ARHGAP15: variants seen among roughly 807,000 people sequenced by gnomAD.
ARHGAP15 encodes the protein Rho GTPase activating protein 15, also known as rho GTPase-activating protein 15.
ARHGAP15 carries 51 observed loss-of-function variants against 63.7 expected under a neutral mutation model. The ratio of observed to expected loss-of-function variants is 0.80; its 90% CI spans 0.64 to 1.01. The LOEUF is 1.01. Among genes scored for constraint, ARHGAP15 ranks in the 50% least tolerant of loss-of-function variants. The pLI, the probability that ARHGAP15 is intolerant of heterozygous loss-of-function variation, is 0.00. For synonymous variants in ARHGAP15, 191 were observed against 193.8 expected (o/e 0.99, Z 0.12); for missense variants, 560 against 564.6 (o/e 0.99, Z 0.08).
chr2:143,471,110 T>C (rs960017928), intron 8 of ARHGAP15, among the ~76,000 whole-genome samples: 11 of 148,448 alleles, frequency 7.4e-5, no homozygotes, highest in African/African-American at 2.8e-4. Flanking sequence ...TGTGTATATA[T>C]ACACACATAT....
At chr2:143,625,601 A>G (rs1448540668) in intron 12 of ARHGAP15, among the ~76,000 whole-genome samples, 2 of 152,144 alleles carry the variant, frequency 1.3e-5, no homozygotes, top group Non-Finnish European at 2.9e-5. Context: ...CAGAACAGCA[A>G]TGTTTCATAG....
intron 12 of ARHGAP15, among the ~76,000 whole-genome samples, chr2:143,656,934 G>GGTGTGTGTGTGTGTGTGTGTGT (rs5834961): frequency 0.015 from 2,105 of 144,942 alleles, 38 homozygotes; most frequent in Middle Eastern, 0.017. Flanking sequence ...CAAAGTTTCT[G>GGTGTGTGTGTGTGTGTGTGTGT]GTGTGTGTGT....
Position 143,202,130 on chromosome 2 carries a change from G to T in ARHGAP15, c.166-4G>T, listed in dbSNP as rs369534497. On this transcript the variant is annotated splice_region_variant and splice_polypyrimidine_tract_variant and intron_variant, in intron 2 of 13. Transcript: ENST00000295095. ...AATAATATCCAATGTCAATATATTT[G>T]CAGATATCCAGACACAGAAGGAATC... The T allele has an allele frequency of 2.5e-6, 4 of 1,608,292 alleles. No individual in the cohort carries two copies. In the Admixed American group the frequency reaches 6.7e-5, roughly 27 times the overall value.
chr2:143,542,049 T>C (rs1288322007), intron 10 of ARHGAP15, among the ~76,000 whole-genome samples: 1 of 152,348 alleles, frequency 6.6e-6, no homozygotes, highest in East Asian at 1.9e-4. Context: ...CTGGCTGCTT[T>C]GCTTACCTAC....
chr2:143,435,580 TTC>T lies in ARHGAP15; in HGVS notation c.475-19_475-18del, dbSNP rs770965802. 7.2e-7 allele frequency: 1 copy of T among 1,380,998 alleles called. No individual in the cohort carries two copies. The highest frequency in any genetic ancestry group is 2.6e-5 in the East Asian group (1 of 38,484). The allele number at this position is 1,380,998 out of a possible 1,614,324, so 85.5% of individuals were successfully genotyped here. On this transcript the variant is annotated intron_variant, in intron 6 of 13. Coordinates refer to ENST00000295095, the MANE Select transcript of ARHGAP15 (RefSeq NM_018460.4). ...AGTTTCTTTACCTGTCTATTTCTTT[TTC>T]TTTTTTTTTTTTTTGCAGATCACAA...
At chr2:143,471,717 G>A (rs1452575246) in intron 8 of ARHGAP15, among the ~76,000 whole-genome samples, 3 of 152,146 alleles carry the variant, frequency 2.0e-5, no homozygotes, top group South Asian at 2.1e-4. Flanking sequence ...CCTGAGGCAG[G>A]ATGTGCTCAA....
At chr2:143,244,126 A>C (rs1363389387) in intron 5 of ARHGAP15, among the ~76,000 whole-genome samples, 1 of 152,224 alleles carries the variant, frequency 6.6e-6, no homozygotes, top group Non-Finnish European at 1.5e-5. Flanking sequence ...GAATCAATCC[A>C]GATATTTTTC....
intron 6 of ARHGAP15, among the ~76,000 whole-genome samples, chr2:143,332,098 C>T (rs942708070): frequency 1.3e-5 from 2 of 152,152 alleles, no homozygotes; most frequent in African/African-American, 2.4e-5. Flanking sequence ...CAACCTATTA[C>T]GTAAATAAAA....
chr2:143,599,084 G>A (rs929365529), intron 11 of ARHGAP15, among the ~76,000 whole-genome samples: 5 of 152,216 alleles, frequency 3.3e-5, no homozygotes, highest in Admixed American at 3.3e-4. Context: ...AAGTGAAGTT[G>A]AGAGTCTTAA....
intron 9 of ARHGAP15, among the ~76,000 whole-genome samples, chr2:143,495,142 C>A (rs750354677): frequency 1.3e-5 from 2 of 152,060 alleles, no homozygotes; most frequent in African/African-American, 2.4e-5. Flanking sequence ...CTGTTTTCTC[C>A]CTTTCTTTTT....
chr2:143,160,253 A>G (rs1021573647), intron 2 of ARHGAP15, among the ~76,000 whole-genome samples: 1 of 151,988 alleles, frequency 6.6e-6, no homozygotes, highest in Non-Finnish European at 1.5e-5. Context: ...TGATTCAAGA[A>G]CAAGCCTTAT....
At chr2:143,440,144 T>C (rs1446065880) in intron 8 of ARHGAP15, among the ~76,000 whole-genome samples, 2 of 152,172 alleles carry the variant, frequency 1.3e-5, no homozygotes, top group African/African-American at 4.8e-5. Flanking sequence ...TCATTTTCAT[T>C]TGAAAGGCAT....
At chr2:143,354,404 A>G (rs903238094) in intron 6 of ARHGAP15, among the ~76,000 whole-genome samples, 5 of 152,198 alleles carry the variant, frequency 3.3e-5, no homozygotes, top group African/African-American at 9.6e-5. Flanking sequence ...TCATACACAC[A>G]GTAGTATTTC....
chr2:143,199,444 G>T (rs868260183), intron 2 of ARHGAP15, among the ~76,000 whole-genome samples: 1 of 152,044 alleles, frequency 6.6e-6, no homozygotes, highest in Non-Finnish European at 1.5e-5. Context: ...TAAAAATTTA[G>T]CAAAGAAAAC....
At chr2:143,684,873 T>C (rs530800181) in intron 12 of ARHGAP15, among the ~76,000 whole-genome samples, 3 of 152,266 alleles carry the variant, frequency 2.0e-5, no homozygotes, top group African/African-American at 7.2e-5. Flanking sequence ...ATAAATAACA[T>C]CGTCCCCGCC....
At chr2:143,704,126 A>G (rs1684219227) in intron 13 of ARHGAP15, among the ~76,000 whole-genome samples, 1 of 152,200 alleles carries the variant, frequency 6.6e-6, no homozygotes, top group Non-Finnish European at 1.5e-5. Flanking sequence ...AGATGGGATC[A>G]GGAGCTGAAG....
At chr2:143,666,099 C>A (rs1419131860) in intron 12 of ARHGAP15, among the ~76,000 whole-genome samples, 5,784 of 147,126 alleles carry the variant, frequency 0.039, 152 homozygotes, top group East Asian at 0.098. Context: ...AAAAAAGAGC[C>A]CACATCCCCA....
chr2:143,687,346 G>A (rs1683397767), intron 12 of ARHGAP15, among the ~76,000 whole-genome samples: 1 of 152,046 alleles, frequency 6.6e-6, no homozygotes, highest in Non-Finnish European at 1.5e-5. Context: ...CCACTCTTTG[G>A]AGGCTCAGTC....
intron 12 of ARHGAP15, among the ~76,000 whole-genome samples, chr2:143,641,927 T>TA (rs1227013624): frequency 9.2e-5 from 14 of 152,224 alleles, no homozygotes; most frequent in Admixed American, 9.2e-4. Flanking sequence ...ACGTTACTTA[T>TA]AATACTGAAA....
Sources: gnomAD v4.1 joint callset for allele counts (sites outside exome capture counted in the v4.1 genomes callset) on GRCh38, gnomAD v4.1.1 for gene constraint, MANE v1.5 for transcripts, NCBI Gene and HGNC (gene_info 2026-07-23, HGNC 2026-07-21) for gene names.